The following MED13 variants were observed in gnomAD, a reference collection of about 807,000 sequenced individuals.
MED13 encodes mediator complex subunit 13, also known as mediator of RNA polymerase II transcription subunit 13.
In MED13, 23 loss-of-function variants were observed where a neutral mutation model predicts 225.2. The observed-to-expected ratio is 0.10, with a 90% confidence interval of 0.07 to 0.14. The LOEUF (loss-of-function observed/expected upper bound fraction) is 0.14, where lower values mean the gene tolerates loss of function less well. Ranked by LOEUF, MED13 falls within the 10% of genes least tolerant of loss-of-function variation. The probability of loss-of-function intolerance (pLI) is 1.00; values close to 1 mark genes in which losing one functional copy is unlikely to be tolerated. For synonymous variants in MED13, 942 were observed against 889.2 expected, an observed-to-expected ratio of 1.06 and a Z score of -1.06; for missense variants, 2,197 against 2,594.5, an observed-to-expected ratio of 0.85 and a Z score of 3.33.
At chr17:62,004,947 T>C (rs1434975775) in intron 9 of MED13, 1 of 150,126 alleles carries the variant, frequency 6.7e-6, no homozygotes, top group Non-Finnish European at 1.5e-5. Context: ...TCGCCCAGGC[T>C]GGAGTGCAGT....
chr17:62,065,034 C>G, intron 1 of MED13, 106 bp downstream of exon 1: 1 of 1,037,902 alleles, frequency 9.6e-7, no homozygotes, highest in Non-Finnish European at 1.3e-6. Flanking sequence ...GGCTGGGCCT[C>G]GCCCGGGAAC....
chr17:62,004,053 A>G (rs2080422676), intron 9 of MED13: 1 of 152,234 alleles, frequency 6.6e-6, no homozygotes. Flanking sequence ...AAAACTCACT[A>G]TTGAAGGTTT....
chr17:62,017,897 C>T (rs545513758), intron 8 of MED13, among the ~76,000 whole-genome samples: 4 of 152,302 alleles, frequency 2.6e-5, no homozygotes, highest in South Asian at 2.1e-4. Context: ...AGCGCTTGTA[C>T]GACTGAGTTA....
At chr17:61,950,401 A>G (rs1168524794) in intron 28 of MED13, among the ~76,000 whole-genome samples, 1 of 146,354 alleles carries the variant, frequency 6.8e-6, no homozygotes, top group Non-Finnish European at 1.5e-5. Flanking sequence ...TTTTTTTTTG[A>G]GACAGAGTCT....
intron 1 of MED13, among the ~76,000 whole-genome samples, chr17:62,064,874 C>A (rs1014604976): frequency 6.6e-6 from 1 of 152,176 alleles, no homozygotes; most frequent in African/African-American, 2.4e-5. Context: ...AGATAAGGAG[C>A]TCAAGTTGAG....
intron 8 of MED13, among the ~76,000 whole-genome samples, chr17:62,023,698 C>T (rs574070128): frequency 1.5e-3 from 230 of 152,056 alleles, no homozygotes; most frequent in African/African-American, 5.3e-3. Flanking sequence ...GATTTGAGAG[C>T]GAGCTAGAGG....
chr17:61,990,422 T>C (rs893626751), intron 11 of MED13, among the ~76,000 whole-genome samples: 1 of 152,070 alleles, frequency 6.6e-6, no homozygotes, highest in Non-Finnish European at 1.5e-5. Context: ...AATAGGAGAC[T>C]AACAATTCTC....
At chr17:62,058,001 A>G (rs1285013881) in intron 2 of MED13, among the ~76,000 whole-genome samples, 5 of 152,248 alleles carry the variant, frequency 3.3e-5, no homozygotes, top group Non-Finnish European at 7.3e-5. Flanking sequence ...GTTAGAACAC[A>G]GAATAAAAAT....
intron 3 of MED13, among the ~76,000 whole-genome samples, chr17:62,044,459 C>T (rs1268401127): frequency 1.3e-5 from 2 of 152,160 alleles, no homozygotes; most frequent in Non-Finnish European, 2.9e-5. Context: ...ATTTATCACT[C>T]TCTATGGACT....
chr17:61,984,384 G>A lies in MED13; in HGVS notation c.2692-17C>T, dbSNP rs1050583360. 2 of 1,510,720 alleles carry A rather than the reference G, an allele frequency of 1.3e-6. No homozygotes were observed. Among genetic ancestry groups the A allele is most frequent in the Non-Finnish European group, 8.8e-7 (1 of 1,130,120 alleles). 93.6% of individuals were successfully genotyped at this position (1,510,720 alleles called of 1,614,324 possible). A position where few individuals can be genotyped will look rare whatever the true frequency, so the allele number is the denominator to read the frequency against. ...AGAAAAATCCTACAATATAAAGATG[G>A]TAGGTTTTCAGTATCTTATCTTCTA... On this transcript the variant is annotated splice_polypyrimidine_tract_variant and intron_variant, in intron 14 of 29. Transcript: ENST00000397786.
In MED13 at chr17:61,983,082, G is replaced by A. The variant is rs2080218904; in HGVS notation, c.2921C>T (p.Thr974Ile). The change falls in exon 16 of 30, where the codon ACT (threonine) becomes ATT (isoleucine). Residue 974 changes from threonine (T) to isoleucine (I), a missense_variant. Thr to Ile is a moderately conservative substitution (Grantham distance 89, BLOSUM62 -1). Coordinates refer to ENST00000397786, the MANE Select transcript of MED13 (RefSeq NM_005121.3). ...AGTATGAGTTTGAGGTGTATAAGCA[G>A]TGCCATATTCTTGATCCATATTACT... ...DGSNMDQEYG[T>I]AYTPQTHTSF... is the part of the protein sequence containing the mutation. 6.2e-7 allele frequency: 1 copy of A among 1,612,210 alleles called. No homozygotes were observed. The highest frequency in any genetic ancestry group is 1.1e-5 in the South Asian group (1 of 90,888).
intron 2 of MED13, among the ~76,000 whole-genome samples, chr17:62,053,234 C>A (rs1568004826): frequency 6.6e-6 from 1 of 152,208 alleles, no homozygotes; most frequent in Non-Finnish European, 1.5e-5. Context: ...CAGAGCCTAA[C>A]AAGCGGTGCA....
intron 9 of MED13, among the ~76,000 whole-genome samples, chr17:62,009,242 C>T (rs1349924498): frequency 1.3e-5 from 2 of 152,040 alleles, no homozygotes; most frequent in Non-Finnish European, 2.9e-5. Flanking sequence ...CATAGAAAGT[C>T]AAGGGATACC....
chr17:62,060,454 A>G (rs1220669876), intron 2 of MED13, among the ~76,000 whole-genome samples: 1 of 151,924 alleles, frequency 6.6e-6, no homozygotes, highest in Non-Finnish European at 1.5e-5. Context: ...CCCCGTCTCT[A>G]TTAAAAATAC....
intron 5 of MED13, 44 bp downstream of exon 5, chr17:62,033,743 C>G (rs762803700): frequency 5.0e-5 from 78 of 1,567,860 alleles, no homozygotes; most frequent in Non-Finnish European, 6.5e-5. Flanking sequence ...CTAACACATA[C>G]AATCATGCAT....
intron 8 of MED13, among the ~76,000 whole-genome samples, chr17:62,014,327 T>C (rs952100347): frequency 1.3e-5 from 2 of 150,702 alleles, no homozygotes; most frequent in Non-Finnish European, 2.9e-5. Context: ...TATATATATA[T>C]ATATTTTGAG....
At chr17:62,022,635 AGAGC>A (rs1238168222) in intron 8 of MED13, among the ~76,000 whole-genome samples, 1 of 152,172 alleles carries the variant, frequency 6.6e-6, no homozygotes, top group Non-Finnish European at 1.5e-5. Context: ...ACAATGAAGC[AGAGC>A]TATATAAGTA....
rs1431680518 is a variant in MED13 at position 61,953,985 on chromosome 17, TAAC to T, written c.5969-875_5969-873del. 1.8e-4 allele frequency among the ~76,000 whole-genome samples: 28 copies of T among 152,164 alleles called. 1 individual carries two copies. Among genetic ancestry groups the T allele is most frequent in the Admixed American group, 7.9e-4 (12 of 15,278 alleles). On this transcript the variant is annotated intron_variant, in intron 26 of 29. Coordinates refer to ENST00000397786, the MANE Select transcript of MED13 (RefSeq NM_005121.3). The stretch of plus-strand genomic sequence containing the variant: ...TGATAAATTAGGTACAGTAAGAGAT[TAAC>T]AACGAGAATATTAGAACAATTATAG...
At chr17:61,954,920 A>G (rs779439001) in intron 26 of MED13, among the ~76,000 whole-genome samples, 17 of 152,198 alleles carry the variant, frequency 1.1e-4, no homozygotes, top group Non-Finnish European at 5.9e-5. Context: ...AAAACAACAC[A>G]TATTTATTTT....
Sources: allele counts gnomAD v4.1 joint callset (sites outside exome capture counted in the v4.1 genomes callset), GRCh38; gene constraint gnomAD v4.1.1; transcripts MANE v1.5; gene names NCBI Gene and HGNC (gene_info 2026-07-23, HGNC 2026-07-21).